The following USP34 variants were observed in gnomAD, a reference collection of about 807,000 sequenced individuals.
USP34 encodes ubiquitin specific peptidase 34.
In USP34, 70 loss-of-function variants were observed where a neutral mutation model predicts 460.3. That is an observed-to-expected ratio of 0.15 (90% CI 0.13 to 0.19). The LOEUF (loss-of-function observed/expected upper bound fraction) is 0.19. USP34 is among the 10% of genes least tolerant of loss of function. The pLI is 1.00. For missense variants in USP34, 3,985 were observed against 4,236.2 expected (o/e 0.94, Z 1.65); for synonymous variants, 1,647 against 1,405.3 (o/e 1.17, Z -3.85).
intron 1 of USP34, among the ~76,000 whole-genome samples, chr2:61,455,497 G>C (rs1276849287): frequency 6.6e-6 from 1 of 152,018 alleles, no homozygotes; most frequent in African/African-American, 2.4e-5. Flanking sequence ...AAGATAGCCA[G>C]GTGCAGTGGT....
chr2:61,236,046 A>G lies in USP34; in HGVS notation c.6946T>C (p.Phe2316Leu), dbSNP rs774915746. The G allele has an allele frequency of 2.5e-6, 4 of 1,607,016 alleles. No homozygotes were observed. The highest frequency in any genetic ancestry group is 2.7e-5 in the African/African-American group (2 of 74,372). The change falls in exon 56 of 80, where the codon TTT becomes CTT. Residue 2316 changes from phenylalanine to leucine, a missense_variant. Coordinates refer to ENST00000398571, the MANE Select transcript of USP34 (RefSeq NM_014709.4). Reference sequence around the variant, plus strand: ...CATACCTTTTCTTTAGAATGAATAAATGTCTCTAGGACAAAGGAAGTGCTT... The same window carrying G: ...CATACCTTTTCTTTAGAATGAATAAGTGTCTCTAGGACAAAGGAAGTGCTT... ...KLSTSFVLET[F>L]IHSKEKPTML...
chr2:61,244,617 G>T (rs1688371111), intron 51 of USP34, among the ~76,000 whole-genome samples: 1 of 108,512 alleles, frequency 9.2e-6, no homozygotes, highest in Admixed American at 1.1e-4. Context: ...CCGACTTGGG[G>T]GCAAAAAAAA....
At chr2:61,417,560 A>G (rs900444031) in intron 2 of USP34, among the ~76,000 whole-genome samples, 3 of 152,240 alleles carry the variant, frequency 2.0e-5, no homozygotes, top group Admixed American at 2.0e-4. Flanking sequence ...TCAGTCTCAC[A>G]CCATGGATAT....
intron 30 of USP34, among the ~76,000 whole-genome samples, 171 bp downstream of exon 30, chr2:61,296,629 A>C (rs546876924): frequency 2.0e-5 from 3 of 152,346 alleles, no homozygotes; most frequent in African/African-American, 7.2e-5. Flanking sequence ...ATTCACCCTC[A>C]CTAAATAAAC....
intron 70 of USP34, chr2:61,208,589 G>C (rs980776808): frequency 6.0e-6 from 1 of 168,010 alleles, no homozygotes. Context: ...GAAATTATGT[G>C]TGCCCTTAAT....
intron 27 of USP34, 82 bp from the exon 28 acceptor site, chr2:61,301,536 T>A: frequency 8.6e-7 from 1 of 1,166,302 alleles, no homozygotes; most frequent in Non-Finnish European, 1.3e-6. Flanking sequence ...TTGTAGCAAT[T>A]AAACACACTG....
chr2:61,214,877 A>C (rs547252544), intron 67 of USP34, among the ~76,000 whole-genome samples, 183 bp from the exon 68 acceptor site: 1 of 152,340 alleles, frequency 6.6e-6, no homozygotes, highest in South Asian at 2.1e-4. Flanking sequence ...AAGAGGTGAT[A>C]AAAATAGATA....
intron 3 of USP34, among the ~76,000 whole-genome samples, chr2:61,402,319 T>C (rs1693744924): frequency 6.6e-6 from 1 of 152,106 alleles, no homozygotes; most frequent in East Asian, 1.9e-4. Flanking sequence ...TTCCCCCTTT[T>C]GATCCTGAAT....
intron 5 of USP34, among the ~76,000 whole-genome samples, chr2:61,389,222 T>C (rs1297267698): frequency 2.6e-5 from 4 of 151,878 alleles, no homozygotes; most frequent in Non-Finnish European, 5.9e-5. Context: ...ACTCATAAGG[T>C]AGGCTTCTGG....
At chr2:61,359,222 G>A (rs1401123592) in intron 10 of USP34, among the ~76,000 whole-genome samples, 1 of 152,230 alleles carries the variant, frequency 6.6e-6, no homozygotes, top group East Asian at 1.9e-4. Context: ...AAATAGTATG[G>A]TACTGACATA....
chr2:61,421,655 G>A (rs924274799), intron 1 of USP34, among the ~76,000 whole-genome samples: 3 of 152,060 alleles, frequency 2.0e-5, no homozygotes, highest in Admixed American at 6.5e-5. Flanking sequence ...AAGAAATCTT[G>A]CCTGGATCAC....
chr2:61,256,549 T>C, intron 47 of USP34, 71 bp from the exon 48 acceptor site: 1 of 1,249,938 alleles, frequency 8.0e-7, no homozygotes, highest in Non-Finnish European at 1.1e-6. Flanking sequence ...AAGGTGGCAA[T>C]TACAATTTTG....
intron 33 of USP34, among the ~76,000 whole-genome samples, chr2:61,290,288 A>C (rs954930841): frequency 6.6e-6 from 1 of 152,276 alleles, no homozygotes; most frequent in Non-Finnish European, 1.5e-5. Flanking sequence ...GCATCTTCTT[A>C]TAAGGTTAAT....
chr2:61,463,270 G>C (rs1346555725), intron 1 of USP34, among the ~76,000 whole-genome samples: 10 of 151,810 alleles, frequency 6.6e-5, no homozygotes, highest in Admixed American at 6.6e-4. Context: ...TGAGGCTGCA[G>C]TGAGCTATAA....
At chr2:61,389,182 A>G (rs1055022596) in intron 5 of USP34, among the ~76,000 whole-genome samples, 1 of 152,122 alleles carries the variant, frequency 6.6e-6, no homozygotes, top group Non-Finnish European at 1.5e-5. Flanking sequence ...TTTTTAAAGG[A>G]GAAGAGATGG....
intron 10 of USP34, among the ~76,000 whole-genome samples, chr2:61,362,452 C>A (rs549410286): frequency 6.6e-6 from 1 of 152,270 alleles, no homozygotes; most frequent in East Asian, 1.9e-4. Flanking sequence ...TGTACATATA[C>A]ATACACACAT....
chr2:61,271,713 G>A (rs1558502628), intron 41 of USP34, among the ~76,000 whole-genome samples: 1 of 152,026 alleles, frequency 6.6e-6, no homozygotes. Context: ...GGGGGAAGGA[G>A]GAGGAAGCAG....
chr2:61,256,861 A>C lies in USP34; in HGVS notation c.6126+12T>G. 6.5e-7 allele frequency: 1 copy of C among 1,549,792 alleles called. No individual in the cohort carries two copies. On this transcript the variant is annotated intron_variant, in intron 47 of 79. Transcript: ENST00000398571. ...AGCATAAAGTAAAAAAATTATGTGC[A>C]TTATTACTCACATAAATGTTCTTCA...
intron 19 of USP34, among the ~76,000 whole-genome samples, chr2:61,332,793 T>C (rs796862976): frequency 7.9e-5 from 12 of 151,972 alleles, no homozygotes; most frequent in African/African-American, 2.9e-4. Context: ...TACTGTAGTA[T>C]TAACCAAAGA....
Sources: gnomAD v4.1 joint callset for allele counts (sites outside exome capture counted in the v4.1 genomes callset) on GRCh38, gnomAD v4.1.1 for gene constraint, MANE v1.5 for transcripts, NCBI Gene and HGNC (gene_info 2026-07-23, HGNC 2026-07-21) for gene names.